The following GPM6A variants were observed in gnomAD, a reference collection of about 807,000 sequenced individuals.
GPM6A encodes the protein neuronal membrane glycoprotein M6-a.
In GPM6A, 7 loss-of-function variants were observed where a neutral mutation model predicts 32.1. The ratio of observed to expected loss-of-function variants is 0.22; its 90% CI spans 0.12 to 0.41. GPM6A has a LOEUF of 0.41. Ranked by LOEUF, GPM6A falls within the 10% of genes least tolerant of loss-of-function variation. The pLI, the probability that GPM6A is intolerant of heterozygous loss-of-function variation, is 1.00. For missense variants in GPM6A, 235 were observed against 347.2 expected, an observed-to-expected ratio of 0.68 and a Z score of 2.57; for synonymous variants, 130 against 123.4, an observed-to-expected ratio of 1.05 and a Z score of -0.35.
chr4:175,670,604 A>T lies in GPM6A; in HGVS notation c.387+3076T>A, dbSNP rs144670607. 8.9e-3 allele frequency among the ~76,000 whole-genome samples: 1,363 copies of T among 152,312 alleles called. 23 individuals carry two copies. Among genetic ancestry groups the T allele is most frequent in the African/African-American group, 0.031 (1,289 of 41,564 alleles). ...AAATTTTGTTACTTAAAATACTTTA[A>T]TAACTTTTCATATAATGTTTTAATA... On this transcript the variant is annotated intron_variant, in intron 3 of 6. Transcript: ENST00000393658.
chr4:175,656,720 G>A (rs1317206487), intron 3 of GPM6A, among the ~76,000 whole-genome samples: 2 of 152,084 alleles, frequency 1.3e-5, no homozygotes, highest in Non-Finnish European at 2.9e-5. Context: ...TAGACTTAAT[G>A]TCTAAGAAAA....
At chr4:175,949,916 T>G (rs966589190) in intron 1 of GPM6A, among the ~76,000 whole-genome samples, 1 of 152,174 alleles carries the variant, frequency 6.6e-6, no homozygotes, top group Non-Finnish European at 1.5e-5. Flanking sequence ...GCCTTATGAG[T>G]TCTCACCACA....
intron 1 of GPM6A, among the ~76,000 whole-genome samples, chr4:175,997,923 T>C (rs1040031972): frequency 2.0e-5 from 3 of 152,170 alleles, no homozygotes; most frequent in Non-Finnish European, 4.4e-5. Context: ...GCAGTTGGCA[T>C]CCTTCTTCAA....
intron 2 of GPM6A, among the ~76,000 whole-genome samples, chr4:175,680,751 T>C (rs528005179): frequency 7.9e-5 from 12 of 152,240 alleles, no homozygotes; most frequent in South Asian, 2.1e-4. Context: ...CTTGATTATC[T>C]TTACTGTGTT....
chr4:175,706,558 G>A (rs895908630), intron 1 of GPM6A, among the ~76,000 whole-genome samples: 9 of 152,136 alleles, frequency 5.9e-5, no homozygotes, highest in East Asian at 1.9e-4. Context: ...TTTACCAGGC[G>A]GCTGATTGCT....
chr4:175,675,910 G>A (rs957458952), intron 2 of GPM6A, among the ~76,000 whole-genome samples: 23 of 151,978 alleles, frequency 1.5e-4, no homozygotes, highest in African/African-American at 5.6e-4. Flanking sequence ...GATCTGATAT[G>A]GTTTGGCTGT....
chr4:175,787,524 A>G, intron 1 of GPM6A: 1 of 1,446,058 alleles, frequency 6.9e-7, no homozygotes, highest in African/African-American at 1.4e-5. Context: ...CTTTAGGTTG[A>G]TTTCATCAGT....
intron 1 of GPM6A, among the ~76,000 whole-genome samples, chr4:175,708,607 G>A (rs560809442): frequency 5.3e-5 from 8 of 152,052 alleles, no homozygotes; most frequent in Non-Finnish European, 1.2e-4. Flanking sequence ...GGCTGGTCTC[G>A]AACTCCTGGG....
intron 1 of GPM6A, among the ~76,000 whole-genome samples, chr4:175,895,983 T>C (rs747129608): frequency 1.3e-5 from 2 of 152,206 alleles, no homozygotes; most frequent in Non-Finnish European, 2.9e-5. Context: ...CCTTTTCCTA[T>C]GACCTTTACT....
At chr4:175,864,412 C>T (rs887163699) in intron 1 of GPM6A, among the ~76,000 whole-genome samples, 4 of 151,556 alleles carry the variant, frequency 2.6e-5, no homozygotes, top group African/African-American at 9.8e-5. Flanking sequence ...AAGCAGTCTG[C>T]CCACATTTGC....
At chr4:175,791,894 T>C (rs997927653) in intron 1 of GPM6A, among the ~76,000 whole-genome samples, 3 of 152,136 alleles carry the variant, frequency 2.0e-5, no homozygotes, top group African/African-American at 7.2e-5. Flanking sequence ...TTCCATTTAT[T>C]AAAATATTTA....
intron 1 of GPM6A, among the ~76,000 whole-genome samples, chr4:175,907,603 C>T (rs1344019863): frequency 6.6e-6 from 1 of 152,158 alleles, no homozygotes; most frequent in Non-Finnish European, 1.5e-5. Context: ...GTCACTCTCA[C>T]CTTCTCTTGC....
At chr4:175,952,070 C>T (rs1468952219) in intron 1 of GPM6A, among the ~76,000 whole-genome samples, 1 of 152,220 alleles carries the variant, frequency 6.6e-6, no homozygotes, top group Non-Finnish European at 1.5e-5. Context: ...ACACATTCTG[C>T]TGATTCTCTT....
At chr4:175,991,047 ATCTT>A (rs1349787219) in intron 1 of GPM6A, among the ~76,000 whole-genome samples, 4 of 149,546 alleles carry the variant, frequency 2.7e-5, no homozygotes, top group Non-Finnish European at 4.5e-5. Context: ...TTCTTTTTAA[ATCTT>A]TCTTTCTTTC....
At chr4:175,664,552 T>C (rs1449438403) in intron 3 of GPM6A, among the ~76,000 whole-genome samples, 2 of 152,234 alleles carry the variant, frequency 1.3e-5, no homozygotes, top group Non-Finnish European at 2.9e-5. Context: ...TCTTCTTTAT[T>C]ATCTTGCATT....
At chr4:175,765,861 C>T (rs1022022434) in intron 1 of GPM6A, among the ~76,000 whole-genome samples, 68 of 152,134 alleles carry the variant, frequency 4.5e-4, no homozygotes, top group Non-Finnish European at 1.8e-4. Flanking sequence ...AGAACCTTCT[C>T]AAATGCTGTC....
intron 1 of GPM6A, among the ~76,000 whole-genome samples, chr4:175,796,158 G>A (rs1215606343): frequency 5.3e-5 from 8 of 152,128 alleles, no homozygotes; most frequent in Admixed American, 5.2e-4. Context: ...AATGTAGTCT[G>A]CCTTGCACAG....
chr4:175,845,727 C>T (rs1736067365), intron 1 of GPM6A, among the ~76,000 whole-genome samples: 1 of 152,014 alleles, frequency 6.6e-6, no homozygotes, highest in Non-Finnish European at 1.5e-5. Flanking sequence ...TAATCCTTAT[C>T]TGGACCATTA....
chr4:175,637,034 TATATA>T (rs571627948), intron 6 of GPM6A, among the ~76,000 whole-genome samples: 943 of 76,592 alleles, frequency 0.012, 22 homozygotes, highest in African/African-American at 0.044. Flanking sequence ...AATACAAAAA[TATATA>T]ATATATTTAT....
Sources: gnomAD v4.1 joint callset for allele counts (sites outside exome capture counted in the v4.1 genomes callset) on GRCh38, gnomAD v4.1.1 for gene constraint, MANE v1.5 for transcripts, NCBI Gene and HGNC (gene_info 2026-07-23, HGNC 2026-07-21) for gene names.